RIPK1: variants seen among roughly 807,000 people sequenced by gnomAD.
RIPK1 encodes the protein receptor-interacting serine/threonine-protein kinase 1.
RIPK1 carries 27 observed loss-of-function variants against 62.4 expected under a neutral mutation model. The ratio of observed to expected loss-of-function variants is 0.43; its 90% CI spans 0.32 to 0.60. The LOEUF (loss-of-function observed/expected upper bound fraction) is 0.60. Ranked by LOEUF, RIPK1 falls within the 20% of genes least tolerant of loss-of-function variation. RIPK1 has a pLI of 0.07. For missense variants in RIPK1, 735 were observed against 831.0 expected (o/e 0.88, Z 1.42); for synonymous variants, 287 against 303.2 (o/e 0.95, Z 0.55).
intron 5 of RIPK1, 33 bp downstream of exon 5, chr6:3,083,346 C>T: frequency 9.6e-6 from 15 of 1,557,306 alleles, no homozygotes; most frequent in Non-Finnish European, 1.3e-5. Context: ...CTGCCGTCCC[C>T]TCAGCATCTA....
Position 3,113,947 on chromosome 6 carries a change from GT to G in RIPK1, c.*610del, listed in dbSNP as rs1330041584. ...CCGCCACATCACAGGATCCGTTAAC[GT>G]TAATACCCAATACTCTGTCAGCCAC... On this transcript the variant is annotated 3_prime_UTR_variant, in exon 11 of 11. Coordinates refer to ENST00000259808, the MANE Select transcript of RIPK1 (RefSeq NM_001354930.2). The surrounding 1 kb of genome is among the most constrained non-coding windows in gnomAD (Gnocchi z 5.0). 6.6e-6 allele frequency: 1 copy of G among 152,292 alleles called. No individual in the cohort carries two copies. The highest frequency in any genetic ancestry group is 1.5e-5 in the Non-Finnish European group (1 of 68,124). 9.4% of individuals were successfully genotyped at this position (152,292 alleles called of 1,614,324 possible). A position where few individuals can be genotyped will look rare whatever the true frequency, so the allele number is the denominator to read the frequency against.
chr6:3,100,151 G>A (rs951321453), intron 7 of RIPK1, among the ~76,000 whole-genome samples: 4 of 152,228 alleles, frequency 2.6e-5, no homozygotes, highest in African/African-American at 4.8e-5. Context: ...GCCTGGTGCA[G>A]TGGCTCATGC....
At chr6:3,098,787 A>C (rs1224990381) in intron 7 of RIPK1, among the ~76,000 whole-genome samples, 3 of 152,214 alleles carry the variant, frequency 2.0e-5, no homozygotes, top group Non-Finnish European at 4.4e-5. Context: ...ATTGGGGTGC[A>C]AGGAAGGAGT....
At chr6:3,074,736 G>C (rs895155203) in intron 1 of RIPK1, among the ~76,000 whole-genome samples, 3 of 139,536 alleles carry the variant, frequency 2.1e-5, no homozygotes, top group Non-Finnish European at 3.1e-5. Flanking sequence ...AGTGCAGTGA[G>C]TGGCATGCGA....
chr6:3,068,097 G>A, upstream of RIPK1: 1 of 495,202 alleles, frequency 2.0e-6, no homozygotes, highest in Non-Finnish European at 2.6e-6. Flanking sequence ...ATAGCATGCA[G>A]TTCCAACTTT....
At chr6:3,074,214 C>T (rs1478227683) in intron 1 of RIPK1, among the ~76,000 whole-genome samples, 2 of 152,316 alleles carry the variant, frequency 1.3e-5, no homozygotes, top group Non-Finnish European at 2.9e-5. Flanking sequence ...TCACCGTGCT[C>T]ACAGGCGGCC....
rs749088854 is a variant in RIPK1, at chr6:3,076,805, G to T, written c.-19G>T. On this transcript the variant is annotated 5_prime_UTR_variant, in exon 2 of 11. Coordinates refer to ENST00000259808, the MANE Select transcript of RIPK1 (RefSeq NM_001354930.2). ...GGGGGGAAAAAGTGGTACCATTTTG[G>T]GCGTTCTTGAGCTTCAGAATGCAAC... 1.9e-6 allele frequency: 3 copies of T among 1,610,604 alleles called. No individual in the cohort carries two copies. In the Admixed American group the frequency reaches 5.0e-5, roughly 27 times the overall value.
chr6:3,114,986 C>T lies in RIPK1; in HGVS notation c.*1647C>T, dbSNP rs1490449495. The T allele has an allele frequency of 6.6e-6, 1 of 152,248 alleles. No homozygotes were observed. The highest frequency in any genetic ancestry group is 1.9e-4 in the East Asian group (1 of 5,154). The allele number at this position is 152,248 out of a possible 1,614,324, so 9.4% of individuals were successfully genotyped here. ...CTACTTGGCCACCACGCAGCCTTGG[C>T]TCCTACAGCCCAAAAGGGAGAATGG... On this transcript the variant is annotated 3_prime_UTR_variant, in exon 11 of 11. Coordinates refer to ENST00000259808, the MANE Select transcript of RIPK1 (RefSeq NM_001354930.2). The surrounding 1 kb of genome is among the most constrained non-coding windows in gnomAD (Gnocchi z 5.0).
intron 1 of RIPK1, among the ~76,000 whole-genome samples, chr6:3,070,337 T>G (rs1405396455): frequency 6.6e-6 from 1 of 152,218 alleles, no homozygotes; most frequent in Non-Finnish European, 1.5e-5. Context: ...AAATACTTAA[T>G]TTCCCATGCT....
upstream of RIPK1, among the ~76,000 whole-genome samples, chr6:3,067,455 TTTG>T (rs1375354644): frequency 6.6e-6 from 1 of 152,174 alleles, no homozygotes; most frequent in East Asian, 1.9e-4. Flanking sequence ...TGTAATAGTA[TTTG>T]TTTTTTTAAA....
chr6:3,087,306 G>A (rs1273296697), intron 6 of RIPK1, among the ~76,000 whole-genome samples: 1 of 152,002 alleles, frequency 6.6e-6, no homozygotes, highest in East Asian at 1.9e-4. Context: ...ATTTCTGTAA[G>A]TACTTTTTAA....
intron 9 of RIPK1, among the ~76,000 whole-genome samples, chr6:3,108,534 C>T (rs1182711176): frequency 1.6e-4 from 24 of 152,170 alleles, no homozygotes; most frequent in Admixed American, 1.2e-3. Context: ...GTGACGAACA[C>T]GGTGTCAGTG....
intron 6 of RIPK1, 121 bp downstream of exon 6, chr6:3,085,529 A>C (rs1182272322): frequency 9.8e-7 from 1 of 1,020,216 alleles, no homozygotes; most frequent in East Asian, 2.6e-5. Flanking sequence ...TTGTGGTTTT[A>C]AACTGATTTT....
intron 10 of RIPK1, 29 bp downstream of exon 10, chr6:3,110,984 T>G (rs1761128817): frequency 6.5e-6 from 10 of 1,537,130 alleles, no homozygotes; most frequent in Non-Finnish European, 8.8e-6. Context: ...ACTCAACGCC[T>G]AGCAACCTTG....
At chr6:3,094,805 T>A (rs1760198599) in intron 7 of RIPK1, among the ~76,000 whole-genome samples, 1 of 152,052 alleles carries the variant, frequency 6.6e-6, no homozygotes, top group Non-Finnish European at 1.5e-5. Flanking sequence ...AGGTGTGAGG[T>A]AATCCCAGTT....
chr6:3,113,760 C>A lies in RIPK1; in HGVS notation c.*421C>A. ...AAGGTCATGTTCTTTCAGCTTATGGCATTTCCTAGAGTTTTGTTGAAGCAA... is the reference window on the plus strand; with the variant it reads ...AAGGTCATGTTCTTTCAGCTTATGGAATTTCCTAGAGTTTTGTTGAAGCAA... On this transcript the variant is annotated 3_prime_UTR_variant, in exon 11 of 11. Coordinates refer to ENST00000259808, the MANE Select transcript of RIPK1 (RefSeq NM_001354930.2). This position sits in a 1 kb window ranked among gnomAD's most constrained non-coding sequence, Gnocchi z 5.0. 6.4e-6 allele frequency: 1 copy of A among 155,304 alleles called. No homozygotes were observed. The allele number at this position is 155,304 out of a possible 1,614,324, so 9.6% of individuals were successfully genotyped here.
At chr6:3,066,923 G>A (rs1215915291), upstream of RIPK1, among the ~76,000 whole-genome samples, 2 of 152,000 alleles carry the variant, frequency 1.3e-5, no homozygotes, top group East Asian at 1.9e-4. Context: ...CCTGGCAGCC[G>A]CTGATCTTTT....
At chr6:3,070,362 C>G (rs1201250779) in intron 1 of RIPK1, among the ~76,000 whole-genome samples, 1 of 152,148 alleles carries the variant, frequency 6.6e-6, no homozygotes, top group Non-Finnish European at 1.5e-5. Flanking sequence ...TTGGATATTA[C>G]ATTCTGGCAA....
chr6:3,068,648 CGGA>C lies in RIPK1; in HGVS notation c.-72_-70del. The C allele has an allele frequency of 1.0e-6, 1 of 985,260 alleles. No individual in the cohort carries two copies. Among genetic ancestry groups the C allele is most frequent in the South Asian group, 4.7e-5 (1 of 21,288 alleles). 61.0% of individuals were successfully genotyped at this position (985,260 alleles called of 1,614,324 possible). On this transcript the variant is annotated 5_prime_UTR_variant, in exon 1 of 11. Coordinates refer to ENST00000259808, the MANE Select transcript of RIPK1 (RefSeq NM_001354930.2). ...AGGACTTGGCTGGACGGCGCGGCCA[CGGA>C]GAAGGGCGCGGTGAGCGGACTGGCA...
Sources: gnomAD v4.1 joint callset for allele counts (sites outside exome capture counted in the v4.1 genomes callset) on GRCh38, gnomAD v4.1.1 for gene constraint, Gnocchi (gnomAD v3.1) non-coding constraint, MANE v1.5 for transcripts, NCBI Gene and HGNC (gene_info 2026-07-23, HGNC 2026-07-21) for gene names.